The following DTNB variants were observed in gnomAD, a reference collection of about 807,000 sequenced individuals.
DTNB encodes dystrobrevin beta, also known as DTN-B.
DTNB carries 63 observed loss-of-function variants against 90.7 expected under a neutral mutation model. The observed-to-expected ratio is 0.69, with a 90% CI of 0.57 to 0.86. The LOEUF is 0.86. Among genes scored for constraint, DTNB ranks in the 40% least tolerant of loss-of-function variants. The probability of loss-of-function intolerance (pLI) is 0.00; values close to 1 mark genes in which losing one functional copy is unlikely to be tolerated. For synonymous variants in DTNB, 277 were observed against 286.7 expected (o/e 0.97, Z 0.34); for missense variants, 744 against 807.1 (o/e 0.92, Z 0.95).
intron 8 of DTNB, among the ~76,000 whole-genome samples, chr2:25,548,650 C>A (rs2082955985): frequency 6.6e-6 from 1 of 151,990 alleles, no homozygotes. Context: ...GGGAGTAGGG[C>A]AGAAGATGAG....
chr2:25,469,482 GTC>G (rs1169098601), intron 10 of DTNB, among the ~76,000 whole-genome samples: 1 of 152,254 alleles, frequency 6.6e-6, no homozygotes, highest in East Asian at 1.9e-4. Flanking sequence ...TCTCACTCTT[GTC>G]ACACAGGCTG....
chr2:25,620,372 G>C (rs1006102846), intron 4 of DTNB, among the ~76,000 whole-genome samples: 4 of 152,126 alleles, frequency 2.6e-5, no homozygotes, highest in Admixed American at 6.5e-5. Flanking sequence ...GATTAATTTC[G>C]AAGTGAGGTA....
At chr2:25,582,170 A>C (rs1271998520) in intron 6 of DTNB, among the ~76,000 whole-genome samples, 3 of 152,228 alleles carry the variant, frequency 2.0e-5, no homozygotes, top group Admixed American at 2.0e-4. Flanking sequence ...TTACAAAATA[A>C]CTCTGATTTT....
chr2:25,443,516 C>G (rs561904351), intron 12 of DTNB, among the ~76,000 whole-genome samples: 1 of 152,208 alleles, frequency 6.6e-6, no homozygotes, highest in Non-Finnish European at 1.5e-5. Flanking sequence ...AAAAAGAGCT[C>G]GGAGACTCCT....
chr2:25,526,362 A>AATATATATATAT (rs1273988960), intron 9 of DTNB, among the ~76,000 whole-genome samples: 4 of 99,788 alleles, frequency 4.0e-5, no homozygotes, highest in African/African-American at 1.3e-4. Flanking sequence ...AATATATATA[A>AATATATATATAT]ATATATATAT....
intron 16 of DTNB, among the ~76,000 whole-genome samples, chr2:25,409,400 AGG>A (rs1389683818): frequency 1.3e-5 from 2 of 152,220 alleles, no homozygotes; most frequent in Non-Finnish European, 2.9e-5. Context: ...GAGGAAAATG[AGG>A]TTTGTAAAGG....
chr2:25,482,694 G>C, intron 10 of DTNB, 102 bp downstream of exon 10: 1 of 1,142,080 alleles, frequency 8.8e-7, no homozygotes, highest in Non-Finnish European at 1.3e-6. Context: ...AGTCCTTTCT[G>C]CCCTGTGGAA....
At chr2:25,427,306 C>T (rs2052121853) in intron 15 of DTNB, among the ~76,000 whole-genome samples, 1 of 151,922 alleles carries the variant, frequency 6.6e-6, no homozygotes, top group Admixed American at 6.6e-5. Flanking sequence ...TTCATAAAAG[C>T]AACTGCTCGA....
At chr2:25,502,880 T>TAACAAAAAA (rs1451033163) in intron 9 of DTNB, among the ~76,000 whole-genome samples, 1 of 79,502 alleles carries the variant, frequency 1.3e-5, no homozygotes, top group Non-Finnish European at 2.4e-5. Flanking sequence ...AGCAACTGTC[T>TAACAAAAAA]AAAAAAAAAA....
At chr2:25,451,499 A>C in intron 12 of DTNB, 49 bp downstream of exon 12, 4 of 1,544,130 alleles carry the variant, frequency 2.6e-6, no homozygotes, top group Non-Finnish European at 3.5e-6. Flanking sequence ...TTTGCATATT[A>C]AAGTAATGCT....
chr2:25,615,791 C>T (rs1216517124), intron 4 of DTNB, among the ~76,000 whole-genome samples: 1 of 152,114 alleles, frequency 6.6e-6, no homozygotes, highest in African/African-American at 2.4e-5. Flanking sequence ...AGGGTATTTC[C>T]GTAGAAATCA....
intron 2 of DTNB, among the ~76,000 whole-genome samples, chr2:25,640,244 C>A (rs1287195541): frequency 1.3e-5 from 2 of 152,076 alleles, no homozygotes; most frequent in Non-Finnish European, 2.9e-5. Flanking sequence ...AGGATTGGCC[C>A]CCAATGTGAG....
chr2:25,419,120 A>T, intron 16 of DTNB: 1 of 219,846 alleles, frequency 4.5e-6, no homozygotes, highest in East Asian at 1.0e-4. Context: ...TAGCAAAAGA[A>T]GTCCTCATTT....
intron 8 of DTNB, among the ~76,000 whole-genome samples, chr2:25,532,866 T>C (rs1348936686): frequency 2.6e-5 from 4 of 152,254 alleles, no homozygotes; most frequent in African/African-American, 9.6e-5. Flanking sequence ...TATATGCTGC[T>C]TGTTGTAGTA....
intron 6 of DTNB, among the ~76,000 whole-genome samples, chr2:25,589,020 G>A (rs1248594241): frequency 1.3e-5 from 2 of 152,178 alleles, no homozygotes; most frequent in African/African-American, 2.4e-5. Context: ...TCTATTCAAT[G>A]TCCAGGAAAA....
At chr2:25,401,632 T>A (rs112670519) in intron 16 of DTNB, among the ~76,000 whole-genome samples, 2,968 of 152,344 alleles carry the variant, frequency 0.019, 55 homozygotes, top group Non-Finnish European at 0.03. Flanking sequence ...CCTCATGGAA[T>A]AGGGAAGAAT....
intron 8 of DTNB, among the ~76,000 whole-genome samples, chr2:25,565,161 G>A (rs994443127): frequency 6.6e-6 from 1 of 152,204 alleles, no homozygotes; most frequent in Non-Finnish European, 1.5e-5. Context: ...AATGGCAGGA[G>A]TGGATATCCT....
chr2:25,667,588 G>A (rs956649455), intron 1 of DTNB, among the ~76,000 whole-genome samples: 5 of 152,168 alleles, frequency 3.3e-5, no homozygotes, highest in African/African-American at 1.2e-4. Flanking sequence ...TCCAGGTGAA[G>A]TTTAACTTTA....
chr2:25,518,050 C>T (rs1293267566), intron 9 of DTNB, among the ~76,000 whole-genome samples: 7 of 151,912 alleles, frequency 4.6e-5, no homozygotes, highest in African/African-American at 1.7e-4. Context: ...ACGGTGGTCA[C>T]AGGGGGTGGA....
Sources: gnomAD v4.1 joint callset for allele counts (sites outside exome capture counted in the v4.1 genomes callset) on GRCh38, gnomAD v4.1.1 for gene constraint, MANE v1.5 for transcripts, NCBI Gene and HGNC (gene_info 2026-07-23, HGNC 2026-07-21) for gene names.